ADAMTSL1: variants seen among roughly 807,000 people sequenced by gnomAD.
The protein encoded by ADAMTSL1 is ADAMTS like 1, also known as ADAMTS-like protein 1.
Under a neutral mutation model 201.8 loss-of-function variants are expected in ADAMTSL1, and 126 were observed. That is an observed-to-expected ratio of 0.62 (90% CI 0.54 to 0.72). The LOEUF (loss-of-function observed/expected upper bound fraction) is 0.72, where lower values mean the gene tolerates loss of function less well. ADAMTSL1 is among the 30% of genes least tolerant of loss of function. The probability of loss-of-function intolerance (pLI) is 0.00; values close to 1 mark genes in which losing one functional copy is unlikely to be tolerated. For missense variants in ADAMTSL1, 2,679 were observed against 2,277.8 expected, an observed-to-expected ratio of 1.18 and a Z score of -3.59; for synonymous variants, 1,121 against 903.4, an observed-to-expected ratio of 1.24 and a Z score of -4.32.
chr9:18,139,822 T>G (rs1826321686), intron 1 of ADAMTSL1, among the ~76,000 whole-genome samples: 1 of 149,532 alleles, frequency 6.7e-6, no homozygotes, highest in African/African-American at 2.4e-5. Flanking sequence ...AATATATATC[T>G]TGTGGTTCAT....
At chr9:18,092,080 C>T (rs1824047586) in intron 1 of ADAMTSL1, among the ~76,000 whole-genome samples, 1 of 152,118 alleles carries the variant, frequency 6.6e-6, no homozygotes, top group South Asian at 2.1e-4. Context: ...CCCCAAGCAG[C>T]TTGGGATTAC....
intron 2 of ADAMTSL1, among the ~76,000 whole-genome samples, chr9:18,210,500 A>G (rs1266966743): frequency 6.8e-6 from 1 of 147,382 alleles, no homozygotes; most frequent in East Asian, 1.9e-4. Context: ...TATATTAATT[A>G]TATATGATAT....
chr9:18,455,273 G>A (rs968422731), intron 2 of ADAMTSL1, among the ~76,000 whole-genome samples: 1 of 152,040 alleles, frequency 6.6e-6, no homozygotes, highest in Admixed American at 6.6e-5. Flanking sequence ...ACAGAATAGC[G>A]TATTCATAGT....
At position 17,913,375 on chromosome 9, in the gene ADAMTSL1, A is replaced by G. The variant is rs566949725; in HGVS notation, c.87+6453A>G. On this transcript the variant is annotated intron_variant, in intron 1 of 29. Transcript: ENST00000680146. Reference sequence around the variant, plus strand: ...TTTGTATCCTCTTTTATTTCATTGAACAGTGGTTTGTAGTTCTCCTTGAAG... The same window carrying G: ...TTTGTATCCTCTTTTATTTCATTGAGCAGTGGTTTGTAGTTCTCCTTGAAG... 9.2e-5 allele frequency among the ~76,000 whole-genome samples: 14 copies of G among 152,182 alleles called. No individual in the cohort carries two copies. In the South Asian group the frequency reaches 1.9e-3, roughly 20 times the overall value.
rs73435548 is a variant in ADAMTSL1 at position 18,721,977 on chromosome 9, G to A, written c.2006+312G>A. 9.7e-3 allele frequency among the ~76,000 whole-genome samples: 1,476 copies of A among 152,232 alleles called. 22 individuals are homozygous for A. The highest frequency in any genetic ancestry group is 0.034 in the African/African-American group (1,413 of 41,534). On this transcript the variant is annotated intron_variant, in intron 15 of 28. Transcript: ENST00000380548. ...ACATGAGGTGACAACAGACTTCATGGGCTCTGCCACCTTTTAGCCTGTGTC... is the reference window on the plus strand; with the variant it reads ...ACATGAGGTGACAACAGACTTCATGAGCTCTGCCACCTTTTAGCCTGTGTC...
intron 2 of ADAMTSL1, among the ~76,000 whole-genome samples, chr9:18,217,856 T>G (rs1279651740): frequency 6.6e-6 from 1 of 152,164 alleles, no homozygotes; most frequent in Non-Finnish European, 1.5e-5. Flanking sequence ...GAAAGTTGTT[T>G]TTTTTTTTCT....
In ADAMTSL1 at chr9:18,770,628, T is replaced by C. The variant is rs1416915886; in HGVS notation, c.2244T>C (p.Val748=). 1.2e-6 allele frequency: 2 copies of C among 1,613,190 alleles called. No homozygotes were observed. The highest frequency in any genetic ancestry group is 1.7e-6 in the Non-Finnish European group (2 of 1,179,632). ...QPCSRTCGGG[V]QKREVLCKQR... ...GTTCCAGAACGTGTGGCGGGGGTGT[T>C]CAGAAACGTGAGGTTCTTTGCAAGC... The change falls in exon 17 of 29, where the codon GTT becomes GTC. Residue 748 remains valine, a synonymous_variant. Transcript: ENST00000380548.
chr9:18,562,855 A>G (rs1190965854), intron 3 of ADAMTSL1, among the ~76,000 whole-genome samples: 2 of 152,114 alleles, frequency 1.3e-5, no homozygotes, highest in Non-Finnish European at 2.9e-5. Flanking sequence ...TGCTCTGTTT[A>G]TCAGCACCAT....
chr9:18,650,124 G>A (rs573965313), intron 7 of ADAMTSL1, among the ~76,000 whole-genome samples: 22 of 152,284 alleles, frequency 1.4e-4, no homozygotes, highest in East Asian at 1.2e-3. Context: ...CCTCGCTGCC[G>A]CCTTGCAGTT....
At chr9:18,069,728 G>A (rs942453756) in intron 1 of ADAMTSL1, among the ~76,000 whole-genome samples, 3 of 152,206 alleles carry the variant, frequency 2.0e-5, no homozygotes, top group Admixed American at 2.0e-4. Flanking sequence ...AGGGTGGATT[G>A]AGTAGAAGTG....
intron 2 of ADAMTSL1, among the ~76,000 whole-genome samples, chr9:18,358,576 C>T (rs1836360558): frequency 6.6e-6 from 1 of 152,124 alleles, no homozygotes; most frequent in African/African-American, 2.4e-5. Flanking sequence ...AACTTTCTGT[C>T]TCTATGAGTC....
intron 2 of ADAMTSL1, among the ~76,000 whole-genome samples, chr9:18,314,819 C>G (rs367576449): frequency 0.028 from 1,545 of 54,778 alleles, 23 homozygotes; most frequent in Middle Eastern, 0.08. Flanking sequence ...TTTTTTGAGA[C>G]GGAGTCTTGC....
chr9:18,328,730 G>T (rs372080146), intron 2 of ADAMTSL1, among the ~76,000 whole-genome samples: 4 of 152,288 alleles, frequency 2.6e-5, no homozygotes, highest in African/African-American at 9.6e-5. Context: ...ACGTGGATGA[G>T]GAATAGTTTG....
intron 26 of ADAMTSL1, among the ~76,000 whole-genome samples, chr9:18,903,466 A>G (rs1393701141): frequency 6.6e-6 from 1 of 152,216 alleles, no homozygotes; most frequent in Non-Finnish European, 1.5e-5. Context: ...AAGAGACTAG[A>G]GAGTAGACAC....
chr9:18,346,312 T>C (rs1240175685), intron 2 of ADAMTSL1, among the ~76,000 whole-genome samples: 2 of 133,312 alleles, frequency 1.5e-5, no homozygotes, highest in Non-Finnish European at 3.2e-5. Flanking sequence ...TCAGCGTCAC[T>C]ATTATCAGTC....
chr9:18,309,534 C>G (rs1320125395), intron 2 of ADAMTSL1, among the ~76,000 whole-genome samples: 2 of 152,086 alleles, frequency 1.3e-5, no homozygotes, highest in Non-Finnish European at 2.9e-5. Flanking sequence ...CATTCCCATA[C>G]AGCAATAATA....
At chr9:18,343,842 G>A (rs960819627) in intron 2 of ADAMTSL1, among the ~76,000 whole-genome samples, 2 of 152,006 alleles carry the variant, frequency 1.3e-5, no homozygotes, top group Non-Finnish European at 2.9e-5. Context: ...TCTACAGCAG[G>A]TACTCCATGC....
At chr9:18,713,311 G>A (rs1832723599) in intron 14 of ADAMTSL1, among the ~76,000 whole-genome samples, 1 of 152,124 alleles carries the variant, frequency 6.6e-6, no homozygotes, top group South Asian at 2.1e-4. Context: ...TGGCAAATTG[G>A]ATAAAGAGTC....
intron 1 of ADAMTSL1, among the ~76,000 whole-genome samples, chr9:18,045,141 A>G (rs1490178479): frequency 6.6e-6 from 1 of 152,134 alleles, no homozygotes; most frequent in African/African-American, 2.4e-5. Context: ...AGGAGGTTCT[A>G]TTAGAAGGAC....
Sources: gnomAD v4.1 joint callset for allele counts (sites outside exome capture counted in the v4.1 genomes callset) on GRCh38, gnomAD v4.1.1 for gene constraint, MANE v1.5 for transcripts, NCBI Gene and HGNC (gene_info 2026-07-23, HGNC 2026-07-21) for gene names.